Variants in GABRG3 observed in about 807,000 individuals in gnomAD.
GABRG3 encodes gamma-aminobutyric acid receptor subunit gamma-3.
Under a neutral mutation model 48.8 loss-of-function variants are expected in GABRG3, and 25 were observed. That is an observed-to-expected ratio of 0.51 (90% confidence interval 0.37 to 0.72). GABRG3 has a LOEUF of 0.72. GABRG3 is among the 30% of genes least tolerant of loss of function. The pLI, the probability that GABRG3 is intolerant of heterozygous loss-of-function variation, is 0.00. For missense variants in GABRG3, 394 were observed against 577.9 expected, an observed-to-expected ratio of 0.68 and a Z score of 3.26; for synonymous variants, 227 against 217.6, an observed-to-expected ratio of 1.04 and a Z score of -0.38.
rs371252829 is a variant in GABRG3 at position 27,231,479 on chromosome 15, G to GCTC, written c.271-95328_271-95327insCCT. On this transcript the variant is annotated intron_variant, in intron 3 of 9. Coordinates refer to ENST00000615808, the MANE Select transcript of GABRG3 (RefSeq NM_033223.5). Reference sequence around the variant, plus strand: ...GAAGAGGAGCAGGAGGCAGAAGAGGGCTTGGTCCATTCCAAGGAGATTTTA... The same window carrying GCTC: ...GAAGAGGAGCAGGAGGCAGAAGAGGGCTCCTTGGTCCATTCCAAGGAGATTTTA... 4.0e-3 allele frequency among the ~76,000 whole-genome samples: 615 copies of GCTC among 152,290 alleles called. 5 individuals are homozygous for GCTC. Among genetic ancestry groups the GCTC allele is most frequent in the African/African-American group, 0.014 (584 of 41,558 alleles).
chr15:27,312,836 AT>A (rs1293825655), intron 3 of GABRG3, among the ~76,000 whole-genome samples: 1 of 152,108 alleles, frequency 6.6e-6, no homozygotes, highest in Non-Finnish European at 1.5e-5. Flanking sequence ...AAATAAAAAA[AT>A]CTCATTAGTA....
At chr15:27,502,103 A>G (rs1890656004) in intron 6 of GABRG3, among the ~76,000 whole-genome samples, 6 of 152,226 alleles carry the variant, frequency 3.9e-5, no homozygotes, top group Admixed American at 3.9e-4. Flanking sequence ...TAATGTGTAG[A>G]CAATAAAAAT....
chr15:27,157,590 A>T (rs1443177558), intron 3 of GABRG3: 1 of 152,240 alleles, frequency 6.6e-6, no homozygotes, highest in East Asian at 1.9e-4. Flanking sequence ...GAGTAGGCAG[A>T]CAGGTTCCAA....
At chr15:27,251,103 G>A (rs929996859) in intron 3 of GABRG3, among the ~76,000 whole-genome samples, 2 of 152,168 alleles carry the variant, frequency 1.3e-5, no homozygotes, top group Admixed American at 6.5e-5. Flanking sequence ...TCTATTATCC[G>A]TGGACTAGTG....
At position 27,447,829 on chromosome 15, in the gene GABRG3, C is replaced by T. The variant is rs61571325; in HGVS notation, c.575-32821C>T. ...GAACACATGGACACAGGGAGGGGAA[C>T]ATCACACACCAGGGCCTGTCAGGGG... On this transcript the variant is annotated intron_variant, in intron 5 of 9. Transcript: ENST00000615808. This position sits in a 1 kb window ranked among gnomAD's most constrained non-coding sequence, Gnocchi z 4.0. 0.055 allele frequency among the ~76,000 whole-genome samples: 8,316 copies of T among 152,086 alleles called. 569 individuals are homozygous for T. The highest frequency in any genetic ancestry group is 0.29 in the East Asian group (1,470 of 5,146).
rs558467038 is a variant in GABRG3, at chr15:27,504,316, G to C, written c.713-15656G>C. On this transcript the variant is annotated intron_variant, in intron 6 of 9. Transcript: ENST00000615808. ...CTCTTCTTCTACCTTCTTTCATATTGATTGAACATATTTTATGATGCCATT... is the reference window on the plus strand; with the variant it reads ...CTCTTCTTCTACCTTCTTTCATATTCATTGAACATATTTTATGATGCCATT... 4.5e-4 allele frequency among the ~76,000 whole-genome samples: 68 copies of C among 150,224 alleles called. 1 individual carries two copies. The South Asian group carries it at 0.014, about 31-fold the overall frequency.
At chr15:27,401,957 A>C (rs985378313) in intron 5 of GABRG3, among the ~76,000 whole-genome samples, 2 of 152,228 alleles carry the variant, frequency 1.3e-5, no homozygotes, top group African/African-American at 4.8e-5. Flanking sequence ...CACAAGCCCA[A>C]ACACTGAGAA....
intron 5 of GABRG3, among the ~76,000 whole-genome samples, chr15:27,406,926 G>T (rs569613769): frequency 7.3e-5 from 11 of 151,714 alleles, no homozygotes; most frequent in Middle Eastern, 3.4e-3. Flanking sequence ...TTTTCTTTTT[G>T]TTGTTGTTGT....
At chr15:27,444,865 T>A (rs1196312366) in intron 5 of GABRG3, among the ~76,000 whole-genome samples, 2 of 152,164 alleles carry the variant, frequency 1.3e-5, no homozygotes, top group Non-Finnish European at 2.9e-5. Context: ...TGAATAATAT[T>A]GTTAAGAACA....
At chr15:27,503,344 CA>C (rs1460893768) in intron 6 of GABRG3, among the ~76,000 whole-genome samples, 4 of 152,146 alleles carry the variant, frequency 2.6e-5, no homozygotes, top group African/African-American at 9.7e-5. Flanking sequence ...AGTCAAGATA[CA>C]AAACATTTCG....
intron 5 of GABRG3, among the ~76,000 whole-genome samples, chr15:27,404,094 G>A (rs1887561378): frequency 1.3e-5 from 2 of 152,142 alleles, no homozygotes; most frequent in South Asian, 2.1e-4. Context: ...GGTGGCAGGT[G>A]CCTGTAGTCC....
intron 3 of GABRG3, among the ~76,000 whole-genome samples, chr15:27,073,528 T>TA (rs11386412): frequency 0.016 from 2,391 of 152,360 alleles, 64 homozygotes; most frequent in African/African-American, 0.056. Context: ...TTTTGTAGCT[T>TA]AAAGTCCTTT....
chr15:27,350,243 A>G, intron 5 of GABRG3: 1 of 454,676 alleles, frequency 2.2e-6, no homozygotes, highest in Non-Finnish European at 4.4e-6. Flanking sequence ...TCGTGGGGAA[A>G]TGAAGGCTCA....
intron 5 of GABRG3, among the ~76,000 whole-genome samples, chr15:27,456,594 T>G (rs1889286536): frequency 6.6e-6 from 1 of 151,916 alleles, no homozygotes; most frequent in Non-Finnish European, 1.5e-5. Flanking sequence ...CAGCATTCCC[T>G]CCCCTCCCAC....
chr15:27,125,724 G>A (rs371224513), intron 3 of GABRG3, among the ~76,000 whole-genome samples: 51 of 152,296 alleles, frequency 3.3e-4, no homozygotes, highest in African/African-American at 8.9e-4. Flanking sequence ...TTGCGGGAGC[G>A]CTGTGTCCCT....
intron 5 of GABRG3, among the ~76,000 whole-genome samples, chr15:27,371,647 A>G (rs1895418444): frequency 6.6e-6 from 1 of 152,210 alleles, no homozygotes; most frequent in Non-Finnish European, 1.5e-5. Context: ...ACTCGTTTCT[A>G]TGGATTCTGA....
intron 6 of GABRG3, chr15:27,481,027 A>G: frequency 7.6e-7 from 1 of 1,314,620 alleles, no homozygotes; most frequent in Non-Finnish European, 9.7e-7. Flanking sequence ...CTATAAACCT[A>G]GCTATAAACT....
chr15:27,060,605 G>A (rs891629661), intron 3 of GABRG3, among the ~76,000 whole-genome samples: 3 of 152,200 alleles, frequency 2.0e-5, no homozygotes, highest in Non-Finnish European at 2.9e-5. Context: ...GTTAAGTGGC[G>A]TGGGGATGAT....
chr15:27,211,635 C>CT (rs796294958), intron 3 of GABRG3, among the ~76,000 whole-genome samples: 3 of 152,214 alleles, frequency 2.0e-5, no homozygotes, highest in African/African-American at 7.2e-5. Context: ...AGAATTACAA[C>CT]TTTTTTGAGG....
Sources: allele counts gnomAD v4.1 joint callset (sites outside exome capture counted in the v4.1 genomes callset), GRCh38; gene constraint gnomAD v4.1.1; non-coding constraint Gnocchi (gnomAD v3.1); transcripts MANE v1.5; gene names NCBI Gene and HGNC (gene_info 2026-07-23, HGNC 2026-07-21).